STMN1: variants seen among roughly 807,000 people sequenced by gnomAD.
STMN1 encodes the protein stathmin 1.
In STMN1, 3 loss-of-function variants were observed where a neutral mutation model predicts 19.7. The ratio of observed to expected loss-of-function variants is 0.15; its 90% CI spans 0.07 to 0.39. The LOEUF (loss-of-function observed/expected upper bound fraction) is 0.39, where lower values mean the gene tolerates loss of function less well. STMN1 is among the 10% of genes least tolerant of loss of function. STMN1 has a pLI of 1.00. For synonymous variants in STMN1, 59 were observed against 58.9 expected (o/e 1.00, Z -0.01); for missense variants, 99 against 176.0 (o/e 0.56, Z 2.48).
In STMN1 at chr1:25,900,500, C is replaced by G. The variant is rs1156709810; in HGVS notation, c.*516G>C. ...CCAGCCCCAAAGGCCCCATCTGGAA[C>G]AAGTATCAACCAGGAGGGGCTCTAT... On this transcript the variant is annotated 3_prime_UTR_variant, in exon 5 of 5. Transcript: ENST00000455785. 53 of 985,812 alleles carry G rather than the reference C, an allele frequency of 5.4e-5. No homozygotes were observed. The highest frequency in any genetic ancestry group is 6.4e-5 in the Non-Finnish European group (53 of 830,010). 61.1% of individuals were successfully genotyped at this position (985,812 alleles called of 1,614,324 possible). A position where few individuals can be genotyped will look rare whatever the true frequency, so the allele number is the denominator to read the frequency against.
chr1:25,886,345 T>C (rs539776640), intron 4 of STMN1, among the ~76,000 whole-genome samples: 1 of 152,346 alleles, frequency 6.6e-6, no homozygotes, highest in East Asian at 1.9e-4. Context: ...ATTAGCTTTC[T>C]ATGTGACCTT....
chr1:25,904,572 A>G lies in STMN1; in HGVS notation c.13+92T>C, dbSNP rs1040779555. The G allele has an allele frequency of 8.4e-6, 10 of 1,185,830 alleles. No individual in the cohort carries two copies. In the East Asian group the frequency reaches 1.2e-4, roughly 14 times the overall value. 73.5% of individuals were successfully genotyped at this position (1,185,830 alleles called of 1,614,324 possible). On this transcript the variant is annotated intron_variant, in intron 2 of 4. Coordinates refer to ENST00000455785, the MANE Select transcript of STMN1 (RefSeq NM_005563.4). ...AAATAGGTTTTGGTAAGACCAAAAC[A>G]TAAGTGCCAAATCAAAGGCGAAGAC...
intron 4 of STMN1, among the ~76,000 whole-genome samples, chr1:25,893,203 G>C (rs896383071): frequency 6.6e-6 from 1 of 152,118 alleles, no homozygotes; most frequent in African/African-American, 2.4e-5. Flanking sequence ...CATTTGACAA[G>C]ACCTTGTAAA....
At chr1:25,888,839 G>T (rs563235141) in intron 4 of STMN1, 125 of 253,014 alleles carry the variant, frequency 4.9e-4, no homozygotes, top group African/African-American at 2.7e-3. Context: ...TCTGTTCCAG[G>T]AAAAAGGAGG....
At chr1:25,892,148 G>T (rs889321596) in intron 4 of STMN1, among the ~76,000 whole-genome samples, 3 of 152,204 alleles carry the variant, frequency 2.0e-5, no homozygotes, top group Non-Finnish European at 4.4e-5. Context: ...CCAGCACTTC[G>T]GGAGGCCGAG....
At chr1:25,889,355 G>A (rs2048752213) in intron 4 of STMN1, among the ~76,000 whole-genome samples, 1 of 152,174 alleles carries the variant, frequency 6.6e-6, no homozygotes, top group Admixed American at 6.5e-5. Flanking sequence ...TTATAAGGGA[G>A]GAGAGACTCA....
chr1:25,905,037 T>G (rs1340583582), intron 1 of STMN1: 2 of 236,518 alleles, frequency 8.5e-6, no homozygotes, highest in African/African-American at 4.6e-5. Flanking sequence ...CATAAACTCT[T>G]TAACATTTCA....
chr1:25,897,953 G>C (rs1341188750), downstream of STMN1, among the ~76,000 whole-genome samples: 1 of 152,140 alleles, frequency 6.6e-6, no homozygotes, highest in African/African-American at 2.4e-5. Context: ...CAGTCACATG[G>C]ATTGCTCCAG....
intron 4 of STMN1, chr1:25,889,014 C>T (rs1021456706): frequency 1.4e-5 from 7 of 489,944 alleles, no homozygotes; most frequent in East Asian, 1.1e-4. Flanking sequence ...AAAGCAAAAT[C>T]GTTCCATTCT....
chr1:25,896,420 T>C (rs2048818852), downstream of STMN1, among the ~76,000 whole-genome samples: 2 of 152,250 alleles, frequency 1.3e-5, no homozygotes, highest in African/African-American at 4.8e-5. Context: ...GCCACAGGGA[T>C]TGGAAGCTCC....
intron 4 of STMN1, among the ~76,000 whole-genome samples, chr1:25,891,157 A>AC (rs1310512742): frequency 2.6e-5 from 4 of 152,008 alleles, no homozygotes; most frequent in African/African-American, 7.2e-5. Flanking sequence ...ACATGGTGAA[A>AC]CCCCATCTCT....
At chr1:25,904,846 G>A (rs1471801908) in intron 1 of STMN1, 108 bp from the exon 2 acceptor site, 6 of 656,480 alleles carry the variant, frequency 9.1e-6, no homozygotes, top group Non-Finnish European at 1.4e-5. Flanking sequence ...AAAAATACGT[G>A]GAATAAAGAC....
chr1:25,900,012 A>G, downstream of STMN1: 1 of 868,076 alleles, frequency 1.2e-6, no homozygotes, highest in Non-Finnish European at 1.4e-6. Flanking sequence ...AATGGGGACT[A>G]TTACAGCCTC....
At position 25,900,258 on chromosome 1, in the gene STMN1, G is replaced by C. The variant is rs761865183; in HGVS notation, c.*758C>G. On this transcript the variant is annotated 3_prime_UTR_variant, in exon 5 of 5. Transcript: ENST00000455785. ...AGAATCTTGAGATTCTCTCTCAACT[G>C]TTCTCTAGAAACACGCTTGTGCTTT... 3.0e-6 allele frequency: 3 copies of C among 985,734 alleles called. No individual in the cohort carries two copies. Among genetic ancestry groups the C allele is most frequent in the African/African-American group, 1.7e-5 (1 of 57,218 alleles). The allele number at this position is 985,734 out of a possible 1,614,324, so 61.1% of individuals were successfully genotyped here.
downstream of STMN1, among the ~76,000 whole-genome samples, chr1:25,896,153 G>A (rs2048816614): frequency 2.6e-5 from 4 of 152,304 alleles, no homozygotes; most frequent in South Asian, 8.3e-4. Flanking sequence ...TTTGAGTCCT[G>A]ACTCTACTGC....
chr1:25,891,267 G>T (rs796387914), intron 4 of STMN1, among the ~76,000 whole-genome samples: 22 of 151,798 alleles, frequency 1.4e-4, no homozygotes, highest in African/African-American at 5.1e-4. Context: ...GGAGGCAGAG[G>T]TTGCAGTGAG....
intron 4 of STMN1, chr1:25,889,189 A>G: frequency 3.3e-6 from 1 of 303,658 alleles, no homozygotes; most frequent in Non-Finnish European, 6.5e-6. Flanking sequence ...TGAAAATGTC[A>G]CCGTTATCTG....
intron 4 of STMN1, among the ~76,000 whole-genome samples, chr1:25,886,100 C>G (rs972322448): frequency 6.6e-6 from 1 of 152,140 alleles, no homozygotes; most frequent in African/African-American, 2.4e-5. Context: ...TAGGAAAGGT[C>G]AGGCAGGAAC....
chr1:25,897,061 T>A (rs1468730513), downstream of STMN1, among the ~76,000 whole-genome samples: 1 of 152,224 alleles, frequency 6.6e-6, no homozygotes, highest in African/African-American at 2.4e-5. Flanking sequence ...ATGCCTGTAA[T>A]GCCAGCACTT....
Sources: allele counts gnomAD v4.1 joint callset (sites outside exome capture counted in the v4.1 genomes callset), GRCh38; gene constraint gnomAD v4.1.1; transcripts MANE v1.5; gene names NCBI Gene and HGNC (gene_info 2026-07-23, HGNC 2026-07-21).